Variants in EXOC6 observed in about 807,000 individuals in gnomAD.
EXOC6 encodes the protein exocyst complex component 6.
In EXOC6, 60 loss-of-function variants were observed where a neutral mutation model predicts 112.5. The observed-to-expected ratio is 0.53, with a 90% CI of 0.43 to 0.66. EXOC6 has a LOEUF of 0.66. EXOC6 is among the 30% of genes least tolerant of loss of function. The probability of loss-of-function intolerance (pLI) is 0.00; values close to 1 mark genes in which losing one functional copy is unlikely to be tolerated. For missense variants in EXOC6, 855 were observed against 957.1 expected, an observed-to-expected ratio of 0.89 and a Z score of 1.41; for synonymous variants, 295 against 308.0, an observed-to-expected ratio of 0.96 and a Z score of 0.44.
chr10:92,837,388 T>C (rs1846695201), intron 1 of EXOC6, among the ~76,000 whole-genome samples: 1 of 152,230 alleles, frequency 6.6e-6, no homozygotes, highest in South Asian at 2.1e-4. Flanking sequence ...CGTCAAGCTC[T>C]GGCTACATGC....
At chr10:92,996,689 A>G (rs1480150077) in intron 18 of EXOC6, among the ~76,000 whole-genome samples, 1 of 152,238 alleles carries the variant, frequency 6.6e-6, no homozygotes, top group Non-Finnish European at 1.5e-5. Flanking sequence ...ACATTTAAAA[A>G]GGCCATTTTT....
chr10:92,855,108 A>T (rs1038697389), intron 1 of EXOC6, among the ~76,000 whole-genome samples: 2 of 152,174 alleles, frequency 1.3e-5, no homozygotes, highest in African/African-American at 2.4e-5. Context: ...TTTAGAGACA[A>T]AATCTCACTG....
In EXOC6 at chr10:92,937,263, G is replaced by T. The variant is rs145726122; in HGVS notation, c.1212+1378G>T. Among the ~76,000 whole-genome samples, 5 of 152,212 alleles carry T rather than the reference G, an allele frequency of 3.3e-5. No homozygotes were observed. In the East Asian group the frequency reaches 9.7e-4, roughly 29 times the overall value. On this transcript the variant is annotated intron_variant, in intron 12 of 21. Transcript: ENST00000260762. ...TGTTACTTAAAAAAAGTGTCCCGTG[G>T]TCCAAAAGTAAAACATATTTCTCCA... is the stretch of plus-strand genomic sequence containing the variant.
chr10:92,922,065 C>A (rs544442800), intron 8 of EXOC6, among the ~76,000 whole-genome samples: 4 of 152,064 alleles, frequency 2.6e-5, no homozygotes, highest in Non-Finnish European at 5.9e-5. Context: ...ACTACCTTAG[C>A]CTCCCAAGTA....
At chr10:92,849,237 A>G (rs1464082037) in intron 1 of EXOC6, among the ~76,000 whole-genome samples, 1 of 152,132 alleles carries the variant, frequency 6.6e-6, no homozygotes, top group Admixed American at 6.5e-5. Context: ...GGAGGAGAGC[A>G]GCTGCTTGCT....
intron 20 of EXOC6, among the ~76,000 whole-genome samples, chr10:93,020,819 G>A (rs576127380): frequency 6.6e-6 from 1 of 152,036 alleles, no homozygotes; most frequent in South Asian, 2.1e-4. Context: ...CATGCTGAAC[G>A]GAAGAAGCAG....
chr10:92,959,922 T>C (rs1589916834), intron 17 of EXOC6, among the ~76,000 whole-genome samples: 1 of 152,276 alleles, frequency 6.6e-6, no homozygotes, highest in East Asian at 1.9e-4. Context: ...GAATGCAAAA[T>C]GCTACAGCCT....
chr10:92,985,121 C>G (rs949039344), intron 18 of EXOC6, among the ~76,000 whole-genome samples: 1 of 152,166 alleles, frequency 6.6e-6, no homozygotes, highest in Non-Finnish European at 1.5e-5. Context: ...CTCCTGTGCT[C>G]CCCTTTACTT....
intron 8 of EXOC6, among the ~76,000 whole-genome samples, chr10:92,926,110 A>T (rs1279981874): frequency 6.6e-6 from 1 of 151,752 alleles, no homozygotes; most frequent in Non-Finnish European, 1.5e-5. Flanking sequence ...ACCAGAAAGT[A>T]TATTATTAAT....
At chr10:92,925,877 G>A (rs1350290901) in intron 8 of EXOC6, among the ~76,000 whole-genome samples, 1 of 152,028 alleles carries the variant, frequency 6.6e-6, no homozygotes, top group Non-Finnish European at 1.5e-5. Context: ...TGCCTAGGCT[G>A]ATCATGAACT....
chr10:93,054,964 AC>A (rs1348832713), intron 20 of EXOC6, among the ~76,000 whole-genome samples: 1 of 151,776 alleles, frequency 6.6e-6, no homozygotes, highest in East Asian at 1.9e-4. Context: ...AAAGAAAATA[AC>A]AGTTAACCTT....
intron 9 of EXOC6, among the ~76,000 whole-genome samples, chr10:92,933,113 G>A (rs1852142663): frequency 6.6e-6 from 1 of 152,232 alleles, no homozygotes; most frequent in African/African-American, 2.4e-5. Flanking sequence ...TGTTATTTGT[G>A]TGCTTTTGAG....
intron 17 of EXOC6, among the ~76,000 whole-genome samples, chr10:92,963,753 A>T (rs1172224982): frequency 1.3e-5 from 2 of 152,138 alleles, no homozygotes; most frequent in African/African-American, 4.8e-5. Flanking sequence ...TCAGCCTCCC[A>T]AAGTGTTGGG....
At chr10:92,854,267 G>A (rs183164673) in intron 1 of EXOC6, among the ~76,000 whole-genome samples, 181 of 152,036 alleles carry the variant, frequency 1.2e-3, no homozygotes, top group African/African-American at 4.0e-3. Context: ...GTGAAACTCC[G>A]TCTCTACTAA....
chr10:92,873,434 C>T (rs551489081), intron 1 of EXOC6, among the ~76,000 whole-genome samples: 61 of 152,130 alleles, frequency 4.0e-4, no homozygotes, highest in African/African-American at 1.3e-3. Context: ...GAGAACAAGT[C>T]AAGTAAAATT....
At chr10:92,851,347 C>G (rs996398016) in intron 1 of EXOC6, among the ~76,000 whole-genome samples, 1 of 152,058 alleles carries the variant, frequency 6.6e-6, no homozygotes, top group Non-Finnish European at 1.5e-5. Flanking sequence ...GGAGACGATA[C>G]AAATTAAAAA....
intron 20 of EXOC6, among the ~76,000 whole-genome samples, chr10:93,020,399 T>TAAC (rs565754067): frequency 8.0e-4 from 122 of 152,064 alleles, no homozygotes; most frequent in African/African-American, 2.8e-3. Flanking sequence ...CAAACCATAA[T>TAAC]AATAATAATA....
At chr10:92,858,343 C>T (rs1237779397) in intron 1 of EXOC6, among the ~76,000 whole-genome samples, 1 of 152,042 alleles carries the variant, frequency 6.6e-6, no homozygotes, top group Non-Finnish European at 1.5e-5. Context: ...TTTGGTGCTC[C>T]CATCTCATGT....
At chr10:92,831,633 C>T (rs1188812652), upstream of EXOC6, among the ~76,000 whole-genome samples, 2 of 152,026 alleles carry the variant, frequency 1.3e-5, no homozygotes, top group African/African-American at 4.8e-5. Context: ...TGGGGTTTCA[C>T]CATGCCAGCC....
Sources: gnomAD v4.1 joint callset for allele counts (sites outside exome capture counted in the v4.1 genomes callset) on GRCh38, gnomAD v4.1.1 for gene constraint, MANE v1.5 for transcripts, NCBI Gene and HGNC (gene_info 2026-07-23, HGNC 2026-07-21) for gene names.